The following RBFOX2 variants were observed in gnomAD, a reference collection of about 807,000 sequenced individuals.
RBFOX2 encodes RNA binding fox-1 homolog 2.
In RBFOX2, 10 loss-of-function variants were observed where a neutral mutation model predicts 49.1. That is an observed-to-expected ratio of 0.20 (90% CI 0.13 to 0.35). The LOEUF is 0.35. Ranked by LOEUF, RBFOX2 falls within the 10% of genes least tolerant of loss-of-function variation. The pLI is 1.00. For missense variants in RBFOX2, 323 were observed against 486.9 expected (o/e 0.66, Z 3.17); for synonymous variants, 183 against 187.4 (o/e 0.98, Z 0.19).
chr22:35,961,517 C>G (rs1176324367), intron 1 of RBFOX2: 7 of 1,302,220 alleles, frequency 5.4e-6, no homozygotes, highest in Non-Finnish European at 7.1e-6. Context: ...TTCCCCTGCA[C>G]AAACTCCCAC....
At chr22:35,780,129 G>T (rs951322169) in intron 3 of RBFOX2, among the ~76,000 whole-genome samples, 5 of 151,900 alleles carry the variant, frequency 3.3e-5, no homozygotes, top group African/African-American at 9.7e-5. Context: ...AAAATATCTG[G>T]TTACCATTTT....
chr22:35,996,809 G>T (rs1368464484), intron 1 of RBFOX2: 1 of 152,142 alleles, frequency 6.6e-6, no homozygotes, highest in African/African-American at 2.4e-5. Context: ...ATGCTTTGTT[G>T]ATTAAGGAAG....
intron 2 of RBFOX2, among the ~76,000 whole-genome samples, chr22:35,789,826 G>T (rs1227155058): frequency 1.3e-5 from 2 of 152,188 alleles, no homozygotes; most frequent in Admixed American, 1.3e-4. Flanking sequence ...CCAAGTTGTG[G>T]GCTTTCCTGG....
At chr22:35,765,599 G>A in intron 5 of RBFOX2, 116 bp from the exon 7 acceptor site, 1 of 490,238 alleles carries the variant, frequency 2.0e-6, no homozygotes, top group Non-Finnish European at 3.6e-6. Flanking sequence ...TGAGAGCAGT[G>A]ATTTAAATAA....
chr22:35,951,058 A>G (rs1245932642), intron 1 of RBFOX2, among the ~76,000 whole-genome samples: 1 of 148,108 alleles, frequency 6.8e-6, no homozygotes, highest in Non-Finnish European at 1.5e-5. Context: ...GGTTCATGCC[A>G]TTCTCCTGCC....
chr22:35,906,004 C>CAT (rs1430979238), intron 1 of RBFOX2, among the ~76,000 whole-genome samples: 1 of 151,998 alleles, frequency 6.6e-6, no homozygotes, highest in African/African-American at 2.4e-5. Flanking sequence ...TAGGCTGTAC[C>CAT]ATATATAATA....
chr22:35,773,179 G>A (rs1454053335), intron 4 of RBFOX2, among the ~76,000 whole-genome samples: 2 of 151,794 alleles, frequency 1.3e-5, no homozygotes, highest in Non-Finnish European at 1.5e-5. Flanking sequence ...TACTTACTGT[G>A]ACTTCCAAAA....
intron 8 of RBFOX2, among the ~76,000 whole-genome samples, chr22:35,760,771 T>C (rs1293315548): frequency 6.6e-6 from 1 of 152,180 alleles, no homozygotes; most frequent in Admixed American, 6.5e-5. Context: ...TACCTCTTGC[T>C]GGAGTAAAAT....
At chr22:35,856,760 C>T (rs1053695395) in intron 1 of RBFOX2, among the ~76,000 whole-genome samples, 4 of 152,042 alleles carry the variant, frequency 2.6e-5, no homozygotes, top group African/African-American at 9.7e-5. Context: ...GGGCCAGGCA[C>T]GGTGGCTCAC....
In RBFOX2 at chr22:35,798,918, C is replaced by T. The variant is rs530318081; in HGVS notation, c.252+10862G>A. On this transcript the variant is annotated intron_variant, in intron 2 of 11. Transcript: ENST00000405409. ...GAAAAAGAAAAGTATTTACATTATA[C>T]GGAAGAATGTTGGAGAAATGAATTC... Among the ~76,000 whole-genome samples the T allele has an allele frequency of 5.7e-4, 86 of 152,112 alleles. 1 individual carries two copies. The highest frequency in any genetic ancestry group is 1.2e-3 in the Admixed American group (18 of 15,272).
At chr22:36,027,622 A>T (rs1229787562) in intron 1 of RBFOX2, among the ~76,000 whole-genome samples, 1 of 152,106 alleles carries the variant, frequency 6.6e-6, no homozygotes, top group Non-Finnish European at 1.5e-5. Flanking sequence ...CTCCCTTCAG[A>T]CTCATTAGTA....
chr22:35,770,095 ACAC>A (rs1003793265), intron 4 of RBFOX2, among the ~76,000 whole-genome samples: 28 of 152,180 alleles, frequency 1.8e-4, no homozygotes, highest in African/African-American at 1.2e-4. Context: ...AGCCACTTTG[ACAC>A]CACAAGGTAT....
chr22:35,847,849 A>G (rs902271151), intron 1 of RBFOX2, among the ~76,000 whole-genome samples: 2 of 152,234 alleles, frequency 1.3e-5, no homozygotes, highest in African/African-American at 4.8e-5. Context: ...TAATAACCAA[A>G]AAAATTGGGG....
At chr22:35,900,836 G>C (rs2048479487) in intron 1 of RBFOX2, among the ~76,000 whole-genome samples, 1 of 152,180 alleles carries the variant, frequency 6.6e-6, no homozygotes, top group African/African-American at 2.4e-5. Flanking sequence ...GTAACTCTCA[G>C]GCACACCGAA....
intron 1 of RBFOX2, among the ~76,000 whole-genome samples, chr22:35,933,902 T>A (rs2052709569): frequency 6.9e-6 from 1 of 145,564 alleles, no homozygotes; most frequent in South Asian, 2.1e-4. Context: ...AAGTCGTAAG[T>A]TCTTATAATT....
chr22:35,867,708 G>C (rs2043852716), intron 1 of RBFOX2, among the ~76,000 whole-genome samples: 1 of 152,064 alleles, frequency 6.6e-6, no homozygotes, highest in Non-Finnish European at 1.5e-5. Context: ...ATTTTATGAA[G>C]AAAAAATTAA....
intron 1 of RBFOX2, among the ~76,000 whole-genome samples, chr22:35,828,852 C>A (rs1288579226): frequency 1.3e-5 from 2 of 152,048 alleles, no homozygotes; most frequent in Non-Finnish European, 2.9e-5. Context: ...GAGATAGAGA[C>A]CATCCTGGCT....
intron 1 of RBFOX2, among the ~76,000 whole-genome samples, chr22:35,884,000 C>CTT (rs34644201): frequency 0.017 from 1,081 of 62,644 alleles, 1 homozygote; most frequent in Non-Finnish European, 0.021. Flanking sequence ...GTAGTTATCT[C>CTT]TTTTTTTTTT....
intron 1 of RBFOX2, among the ~76,000 whole-genome samples, chr22:35,989,513 C>T (rs938956250): frequency 6.6e-6 from 1 of 152,046 alleles, no homozygotes; most frequent in Non-Finnish European, 1.5e-5. Flanking sequence ...AAAACCAGAA[C>T]TGCAATGGGC....
Sources: gnomAD v4.1 joint callset for allele counts (sites outside exome capture counted in the v4.1 genomes callset) on GRCh38, gnomAD v4.1.1 for gene constraint, MANE v1.5 for transcripts, NCBI Gene and HGNC (gene_info 2026-07-23, HGNC 2026-07-21) for gene names.